Variants in SRGAP2B observed in about 807,000 individuals in gnomAD.
SRGAP2B encodes SLIT-ROBO Rho GTPase activating protein 2B.
In SRGAP2B, 9 loss-of-function variants were observed where a neutral mutation model predicts 22.2. The ratio of observed to expected loss-of-function variants is 0.41; its 90% CI spans 0.24 to 0.71. The LOEUF (loss-of-function observed/expected upper bound fraction) is 0.71, where lower values mean the gene tolerates loss of function less well. Among genes scored for constraint, SRGAP2B ranks in the 30% least tolerant of loss-of-function variants. The pLI, the probability that SRGAP2B is intolerant of heterozygous loss-of-function variation, is 0.35. For missense variants in SRGAP2B, 114 were observed against 235.8 expected (o/e 0.48, Z 3.38); for synonymous variants, 36 against 87.4 (o/e 0.41, Z 3.28).
intron 2 of SRGAP2B, among the ~76,000 whole-genome samples, chr1:145,044,743 G>A (rs1215779324): frequency 2.4e-5 from 3 of 125,548 alleles, no homozygotes; most frequent in Non-Finnish European, 4.7e-5. Flanking sequence ...AAGCAGCTTA[G>A]GGTTTAGGCA....
At chr1:144,912,096 A>G (rs1240097452) in intron 5 of SRGAP2B, among the ~76,000 whole-genome samples, 35 of 147,910 alleles carry the variant, frequency 2.4e-4, no homozygotes, top group Non-Finnish European at 4.1e-4. Context: ...GACTACAGGC[A>G]CCCGCCACCA....
At chr1:145,009,601 A>C (rs1189673031) in intron 2 of SRGAP2B, among the ~76,000 whole-genome samples, 2 of 150,092 alleles carry the variant, frequency 1.3e-5, no homozygotes, top group Non-Finnish European at 2.9e-5. Flanking sequence ...AAAAAAAAAA[A>C]CAAAATTGGC....
At chr1:144,910,454 T>G (rs1277676167) in intron 5 of SRGAP2B, among the ~76,000 whole-genome samples, 2 of 148,258 alleles carry the variant, frequency 1.3e-5, no homozygotes, top group Non-Finnish European at 3.0e-5. Flanking sequence ...TGCCATTGTT[T>G]CAAGGGAACA....
intron 3 of SRGAP2B, among the ~76,000 whole-genome samples, chr1:144,983,915 T>C (rs1285309009): frequency 1.3e-5 from 2 of 150,910 alleles, no homozygotes; most frequent in South Asian, 2.1e-4. Flanking sequence ...TGTCAACTAC[T>C]AGAAATTTTA....
chr1:144,970,674 A>T (rs1321036878), intron 3 of SRGAP2B, among the ~76,000 whole-genome samples: 1 of 149,074 alleles, frequency 6.7e-6, no homozygotes, highest in Admixed American at 6.7e-5. Context: ...GATTCAGTGT[A>T]GTTGTAGTGC....
At chr1:145,084,337 A>G (rs1350741190) in intron 2 of SRGAP2B, among the ~76,000 whole-genome samples, 1 of 144,702 alleles carries the variant, frequency 6.9e-6, no homozygotes, top group Non-Finnish European at 1.5e-5. Flanking sequence ...CAGAAGGATG[A>G]GATTTCAATA....
intron 2 of SRGAP2B, among the ~76,000 whole-genome samples, chr1:145,017,453 T>G (rs1156726583): frequency 3.4e-5 from 5 of 148,634 alleles, no homozygotes; most frequent in Non-Finnish European, 7.4e-5. Context: ...ATTTTCCTTT[T>G]CAACAAAGTA....
At chr1:144,966,542 C>A (rs1668098460) in intron 3 of SRGAP2B, among the ~76,000 whole-genome samples, 1 of 146,512 alleles carries the variant, frequency 6.8e-6, no homozygotes, top group African/African-American at 2.8e-5. Context: ...AAAACATGCC[C>A]AATTGTAAAC....
chr1:144,976,080 C>T lies in SRGAP2B; in HGVS notation c.260+18928G>A, dbSNP rs587599783. On this transcript the variant is annotated intron_variant, in intron 3 of 9. Transcript: ENST00000612199. ...ATTTTTTAGAAGAGACAGGGTTTCA[C>T]CGTGTTAGCCAGGATGGTCTTGATC... Among the ~76,000 whole-genome samples the T allele has an allele frequency of 4.7e-5, 7 of 148,216 alleles. No individual in the cohort carries two copies. The East Asian group carries it at 1.2e-3, about 25-fold the overall frequency.
At chr1:144,968,669 AG>A (rs1558789096) in intron 3 of SRGAP2B, among the ~76,000 whole-genome samples, 1 of 116,516 alleles carries the variant, frequency 8.6e-6, no homozygotes, top group Admixed American at 9.5e-5. Flanking sequence ...AAGGAAATAA[AG>A]GGTATTCAAT....
intron 4 of SRGAP2B, among the ~76,000 whole-genome samples, chr1:144,922,859 G>A (rs1162726896): frequency 1.3e-5 from 2 of 150,750 alleles, no homozygotes; most frequent in Non-Finnish European, 2.9e-5. Flanking sequence ...ATTTCCTTAC[G>A]GCTTTTCTAG....
At chr1:145,012,924 G>A (rs10794681) in intron 2 of SRGAP2B, among the ~76,000 whole-genome samples, 7,636 of 147,948 alleles carry the variant, frequency 0.052, 867 homozygotes, top group African/African-American at 0.18. Context: ...ATCTCTACTA[G>A]AAATACAAAA....
chr1:144,920,351 G>A (rs2101770451), intron 4 of SRGAP2B, among the ~76,000 whole-genome samples: 1 of 150,448 alleles, frequency 6.6e-6, no homozygotes, highest in South Asian at 2.1e-4. Context: ...CTGCAGCCTT[G>A]AACTCTTGGG....
intron 3 of SRGAP2B, among the ~76,000 whole-genome samples, chr1:144,979,973 G>T (rs1669198984): frequency 6.6e-6 from 1 of 150,684 alleles, no homozygotes; most frequent in Admixed American, 6.6e-5. Flanking sequence ...ATGTATCTAG[G>T]ACTCTGTGGT....
chr1:144,967,574 T>A (rs1162424163), intron 3 of SRGAP2B, among the ~76,000 whole-genome samples: 1 of 147,054 alleles, frequency 6.8e-6, no homozygotes, highest in African/African-American at 2.6e-5. Context: ...ACATCAAAAT[T>A]AAAAGAACTA....
intron 2 of SRGAP2B, among the ~76,000 whole-genome samples, chr1:145,023,116 G>A (rs1189843416): frequency 6.8e-6 from 1 of 147,142 alleles, no homozygotes; most frequent in Non-Finnish European, 1.5e-5. Flanking sequence ...GCAGTGAGCA[G>A]AGATCGCGCC....
At chr1:144,966,146 C>T (rs1418501748) in intron 3 of SRGAP2B, among the ~76,000 whole-genome samples, 1 of 148,390 alleles carries the variant, frequency 6.7e-6, no homozygotes, top group East Asian at 2.0e-4. Context: ...GAGAACGCCA[C>T]AAAGACACTC....
chr1:144,956,916 A>T (rs587754737), intron 3 of SRGAP2B, among the ~76,000 whole-genome samples: 1,723 of 149,964 alleles, frequency 0.011, 40 homozygotes, highest in Middle Eastern at 0.021. Flanking sequence ...GATACTGTAC[A>T]CATATCTGGG....
At chr1:145,002,068 T>C (rs1432858135) in intron 2 of SRGAP2B, among the ~76,000 whole-genome samples, 1 of 115,232 alleles carries the variant, frequency 8.7e-6, no homozygotes, top group African/African-American at 3.8e-5. Context: ...ATAGCTATTA[T>C]GTTTCTGAAA....
Sources: gnomAD v4.1 joint callset for allele counts (sites outside exome capture counted in the v4.1 genomes callset) on GRCh38, gnomAD v4.1.1 for gene constraint, MANE v1.5 for transcripts, NCBI Gene and HGNC (gene_info 2026-07-23, HGNC 2026-07-21) for gene names.